GRM7: variants seen among roughly 807,000 people sequenced by gnomAD.
GRM7 encodes the protein glutamate metabotropic receptor 7.
Under a neutral mutation model 84.5 loss-of-function variants are expected in GRM7, and 35 were observed. The observed-to-expected ratio is 0.41, with a 90% confidence interval of 0.32 to 0.55. The LOEUF (loss-of-function observed/expected upper bound fraction) is 0.55, where lower values mean the gene tolerates loss of function less well. Ranked by LOEUF, GRM7 falls within the 20% of genes least tolerant of loss-of-function variation. The probability of loss-of-function intolerance (pLI) is 0.19; values close to 1 mark genes in which losing one functional copy is unlikely to be tolerated. For synonymous variants in GRM7, 487 were observed against 455.1 expected (o/e 1.07, Z -0.89); for missense variants, 1,003 against 1,194.6 (o/e 0.84, Z 2.36).
chr3:7,243,696 G>A (rs115028168), intron 2 of GRM7, among the ~76,000 whole-genome samples: 2,617 of 152,046 alleles, frequency 0.017, 71 homozygotes, highest in African/African-American at 0.06. Context: ...CTTAATGACA[G>A]GAATACATTC....
At chr3:7,705,156 C>T (rs1701346467) in intron 9 of GRM7, among the ~76,000 whole-genome samples, 1 of 152,246 alleles carries the variant, frequency 6.6e-6, no homozygotes, top group East Asian at 1.9e-4. Flanking sequence ...CCTTGGCCAA[C>T]TCTCCTACCC....
intron 2 of GRM7, among the ~76,000 whole-genome samples, chr3:7,206,306 C>G (rs746174515): frequency 9.2e-5 from 14 of 152,152 alleles, no homozygotes; most frequent in Non-Finnish European, 1.8e-4. Context: ...GGAGCTATTA[C>G]GACTAACTAA....
chr3:7,086,345 AG>A (rs1363362089), intron 1 of GRM7, among the ~76,000 whole-genome samples: 3 of 148,568 alleles, frequency 2.0e-5, no homozygotes, highest in Admixed American at 1.3e-4. Context: ...AAAATAAAAA[AG>A]ATCCTATAGA....
At chr3:7,255,255 G>T (rs1446665155) in intron 2 of GRM7, among the ~76,000 whole-genome samples, 1 of 152,196 alleles carries the variant, frequency 6.6e-6, no homozygotes, top group Non-Finnish European at 1.5e-5. Flanking sequence ...AAATTGGAAA[G>T]GCTAAATAGT....
intron 7 of GRM7, among the ~76,000 whole-genome samples, chr3:7,491,300 T>C (rs1699507856): frequency 6.6e-6 from 1 of 152,076 alleles, no homozygotes; most frequent in Non-Finnish European, 1.5e-5. Context: ...AGAGATGATT[T>C]GTTAGCTTTT....
intron 2 of GRM7, among the ~76,000 whole-genome samples, chr3:7,227,436 T>C (rs116127880): frequency 0.014 from 2,104 of 152,316 alleles, 38 homozygotes; most frequent in African/African-American, 0.041. Context: ...TTCACCATAT[T>C]GTACCGCAGA....
chr3:7,007,602 G>A (rs547366075), intron 1 of GRM7, among the ~76,000 whole-genome samples: 3 of 152,012 alleles, frequency 2.0e-5, no homozygotes, highest in Non-Finnish European at 4.4e-5. Context: ...GGCCTAAGAT[G>A]GGAAGTTCTC....
intron 2 of GRM7, among the ~76,000 whole-genome samples, chr3:7,263,134 T>C (rs921364301): frequency 1.3e-5 from 2 of 152,174 alleles, no homozygotes; most frequent in Non-Finnish European, 2.9e-5. Context: ...GGGGGCTTAG[T>C]TGTGGTATAA....
intron 1 of GRM7, among the ~76,000 whole-genome samples, chr3:7,089,703 C>A (rs1004566754): frequency 3.3e-5 from 5 of 152,042 alleles, no homozygotes; most frequent in South Asian, 2.1e-4. Context: ...TCTTTGACAA[C>A]CTTACATTTT....
rs71063284 is a variant in GRM7, at chr3:7,162,729, ATTTTTTTTTTTTTTTTTTTTTTTTTTTTT to A, written c.736+16081_736+16109del. Among the ~76,000 whole-genome samples, 173 of 54,712 alleles carry A rather than the reference ATTTTTTTTTTTTTTTTTTTTTTTTTTTTT, an allele frequency of 3.2e-3. 1 individual carries two copies. The highest frequency in any genetic ancestry group is 0.026 in the East Asian group (40 of 1,520). The allele number at this position is 54,712 out of a possible 152,430, so 35.9% of individuals were successfully genotyped here. A position where few individuals can be genotyped will look rare whatever the true frequency, so the allele number is the denominator to read the frequency against. ...CAATCTCCCATTACTCCCATTTTTC[ATTTTTTTTTTTTTTTTTTTTTTTTTTTTT>A]TTTTTTTTTTTTTTTTTTTGAGATG... On this transcript the variant is annotated intron_variant, in intron 2 of 9. Coordinates refer to ENST00000357716, the MANE Select transcript of GRM7 (RefSeq NM_000844.4).
chr3:7,669,539 A>T (rs1444129090), intron 8 of GRM7, among the ~76,000 whole-genome samples: 2 of 152,204 alleles, frequency 1.3e-5, no homozygotes, highest in Admixed American at 1.3e-4. Flanking sequence ...AGCAGGACAG[A>T]GTTTTAAAGA....
At chr3:6,980,051 T>C (rs1694139025) in intron 1 of GRM7, among the ~76,000 whole-genome samples, 1 of 152,192 alleles carries the variant, frequency 6.6e-6, no homozygotes, top group African/African-American at 2.4e-5. Context: ...CCTTCTAGTA[T>C]GTTAGAATTA....
At chr3:6,948,805 T>G (rs991493092) in intron 1 of GRM7, among the ~76,000 whole-genome samples, 1 of 152,238 alleles carries the variant, frequency 6.6e-6, no homozygotes, top group East Asian at 1.9e-4. Context: ...TTTACCATTA[T>G]GTAATGGCCT....
chr3:7,031,375 G>A (rs1204939020), intron 1 of GRM7, among the ~76,000 whole-genome samples: 5 of 151,202 alleles, frequency 3.3e-5, no homozygotes, highest in Admixed American at 2.0e-4. Context: ...TTAAAACCTG[G>A]ACTCCAAATA....
intron 4 of GRM7, among the ~76,000 whole-genome samples, chr3:7,397,866 T>A (rs575898275): frequency 6.6e-6 from 1 of 152,218 alleles, no homozygotes; most frequent in South Asian, 2.1e-4. Context: ...CTGCTAAACA[T>A]CCTTAATGCA....
chr3:7,229,428 C>T (rs996989366), intron 2 of GRM7, among the ~76,000 whole-genome samples: 15 of 151,720 alleles, frequency 9.9e-5, no homozygotes, highest in African/African-American at 2.9e-4. Flanking sequence ...ACAGGTCCAA[C>T]GCCTTACCTA....
intron 7 of GRM7, among the ~76,000 whole-genome samples, chr3:7,526,332 T>C (rs1700806479): frequency 6.7e-6 from 1 of 150,128 alleles, no homozygotes; most frequent in Admixed American, 6.6e-5. Context: ...TATTGGCTGC[T>C]TGTATGCCTT....
rs1696708298 is a variant in GRM7, at chr3:7,219,040, A to G, written c.736+72372A>G. The stretch of plus-strand genomic sequence containing the variant: ...TGGTGTTTTGCCACTAGTGGTATGA[A>G]TTATGTTTTATTTTGATCATTAAAC... On this transcript the variant is annotated intron_variant, in intron 2 of 9. Transcript: ENST00000357716. Among the ~76,000 whole-genome samples the G allele has an allele frequency of 3.9e-5, 6 of 152,230 alleles. No individual in the cohort carries two copies. The South Asian group carries it at 1.2e-3, about 32-fold the overall frequency.
In GRM7 at chr3:7,311,655, G is replaced by A. The variant is rs150701143; in HGVS notation, c.1033+5003G>A. Among the ~76,000 whole-genome samples, 22 of 150,410 alleles carry A rather than the reference G, an allele frequency of 1.5e-4. No homozygotes were observed. The East Asian group carries it at 3.1e-3, about 21-fold the overall frequency. ...GTCACCCAAGCTGGAATGCAGTGGC[G>A]CAGTCTTGGCTTACTGCAACCTCTG... On this transcript the variant is annotated intron_variant, in intron 4 of 9. Coordinates refer to ENST00000357716, the MANE Select transcript of GRM7 (RefSeq NM_000844.4).
Sources: allele counts gnomAD v4.1 joint callset (sites outside exome capture counted in the v4.1 genomes callset), GRCh38; gene constraint gnomAD v4.1.1; transcripts MANE v1.5; gene names NCBI Gene and HGNC (gene_info 2026-07-23, HGNC 2026-07-21).